SIRT5: variants seen among roughly 807,000 people sequenced by gnomAD.
The protein encoded by SIRT5 is NAD-dependent protein deacylase sirtuin-5, mitochondrial.
In SIRT5, 26 loss-of-function variants were observed where a neutral mutation model predicts 40.0. The observed-to-expected ratio is 0.65, with a 90% CI of 0.48 to 0.90. The LOEUF is 0.90. SIRT5 is among the 40% of genes least tolerant of loss of function. The pLI is 0.00. For synonymous variants in SIRT5, 146 were observed against 149.1 expected, an observed-to-expected ratio of 0.98 and a Z score of 0.15; for missense variants, 401 against 402.4, an observed-to-expected ratio of 1.00 and a Z score of 0.03.
rs1177834847 is a variant in SIRT5, at chr6:13,592,050, C to T, written c.475+156C>T. ...TTTCCTTTGGGGACATGTTAGTGTCCCGTGGCACCTGGGCAGCTGCCTTTG... is the reference window on the plus strand; with the variant it reads ...TTTCCTTTGGGGACATGTTAGTGTCTCGTGGCACCTGGGCAGCTGCCTTTG... On this transcript the variant is annotated intron_variant, in intron 5 of 9. Coordinates refer to ENST00000606117, the MANE Select transcript of SIRT5 (RefSeq NM_012241.5). 2.6e-5 allele frequency among the ~76,000 whole-genome samples: 4 copies of T among 152,122 alleles called. No homozygotes were observed. In the South Asian group the frequency reaches 6.2e-4, roughly 24 times the overall value.
chr6:13,603,180 G>A (rs1219561942), intron 9 of SIRT5, among the ~76,000 whole-genome samples: 2 of 151,794 alleles, frequency 1.3e-5, no homozygotes, highest in Non-Finnish European at 2.9e-5. Context: ...GGGAGGCTGA[G>A]GCTGGAGAAT....
rs202097719 is a variant in SIRT5 at position 13,600,961 on chromosome 6, C to T, written c.857+12C>T. 20 of 1,594,684 alleles carry T rather than the reference C, an allele frequency of 1.3e-5. No individual in the cohort carries two copies. The African/African-American group carries it at 2.4e-4, about 19-fold the overall frequency. Reference sequence around the variant, plus strand: ...ACGAACAGATTCAGGTACTGGGATACCCTGATGGGAGAGGGAGATGTGGGA... The same window carrying T: ...ACGAACAGATTCAGGTACTGGGATATCCTGATGGGAGAGGGAGATGTGGGA... On this transcript the variant is annotated intron_variant, in intron 9 of 9. Coordinates refer to ENST00000606117, the MANE Select transcript of SIRT5 (RefSeq NM_012241.5).
Position 13,613,999 on chromosome 6 carries a change from A to G in SIRT5, c.*2134A>G, listed in dbSNP as rs575260728. ...GCTTTTTTTGTTGTTGTTGTTTTCA[A>G]GTTTTATCATTTTTGTTCCTATTTG... On this transcript the variant is annotated 3_prime_UTR_variant, in exon 10 of 10. Transcript: ENST00000606117. 1.3e-5 allele frequency: 2 copies of G among 152,250 alleles called. No individual in the cohort carries two copies. The highest frequency in any genetic ancestry group is 2.1e-4 in the South Asian group (1 of 4,826). 9.4% of individuals were successfully genotyped at this position (152,250 alleles called of 1,614,324 possible). A position where few individuals can be genotyped will look rare whatever the true frequency, so the allele number is the denominator to read the frequency against.
chr6:13,585,463 A>G (rs777770601), intron 3 of SIRT5, among the ~76,000 whole-genome samples: 3 of 150,742 alleles, frequency 2.0e-5, no homozygotes, highest in Non-Finnish European at 3.0e-5. Context: ...TCATTGTTCA[A>G]CTCCCACTTA....
chr6:13,599,815 C>T (rs1005453084), intron 8 of SIRT5, among the ~76,000 whole-genome samples: 15 of 152,290 alleles, frequency 9.8e-5, no homozygotes, highest in Middle Eastern at 3.4e-3. Context: ...AGTTTGCCCA[C>T]CTCTGGTCTA....
chr6:13,574,370 A>G (rs1231541307), upstream of SIRT5, among the ~76,000 whole-genome samples: 1 of 151,874 alleles, frequency 6.6e-6, no homozygotes, highest in Middle Eastern at 3.4e-3. Context: ...TCCGGCTTCG[A>G]GGTCCCGACC....
chr6:13,595,933 A>G (rs113620529), intron 6 of SIRT5, among the ~76,000 whole-genome samples: 3 of 152,210 alleles, frequency 2.0e-5, no homozygotes, highest in Admixed American at 6.5e-5. Flanking sequence ...TCAAGGCTGC[A>G]GTGAGCTGAG....
intron 9 of SIRT5, among the ~76,000 whole-genome samples, chr6:13,609,496 C>T (rs1763560048): frequency 6.6e-6 from 1 of 152,132 alleles, no homozygotes; most frequent in Non-Finnish European, 1.5e-5. Flanking sequence ...AGGCCAGGGT[C>T]CCACTTCCCC....
chr6:13,591,569 G>C, intron 4 of SIRT5, 100 bp from the exon 5 acceptor site: 1 of 996,876 alleles, frequency 1.0e-6, no homozygotes, highest in South Asian at 1.8e-5. Context: ...CCTTCCCGAC[G>C]CTGCCTGTCT....
Position 13,587,603 on chromosome 6 carries a change from A to C in SIRT5, c.116-728A>C, listed in dbSNP as rs141528407. On this transcript the variant is annotated intron_variant, in intron 3 of 9. Coordinates refer to ENST00000606117, the MANE Select transcript of SIRT5 (RefSeq NM_012241.5). Reference sequence around the variant, plus strand: ...CTGCTGTCCCTGTGGGTCTGTGTTCAGGCAGGAGAACTGCCTGGAGTTGCA... The same window carrying C: ...CTGCTGTCCCTGTGGGTCTGTGTTCCGGCAGGAGAACTGCCTGGAGTTGCA... 4.6e-5 allele frequency among the ~76,000 whole-genome samples: 7 copies of C among 152,316 alleles called. No homozygotes were observed. The East Asian group carries it at 1.4e-3, about 29-fold the overall frequency.
rs944508710 is a variant in SIRT5, at chr6:13,574,666, G to C, written c.-273G>C. On this transcript the variant is annotated 5_prime_UTR_variant, in exon 1 of 10. Coordinates refer to ENST00000606117, the MANE Select transcript of SIRT5 (RefSeq NM_012241.5). The stretch of plus-strand genomic sequence containing the variant: ...GTCCGGAGCGCGGTCGGGACACAGC[G>C]CCTCTAGGAGAAAGCCTGGAAGGCG... 6.6e-6 allele frequency: 1 copy of C among 152,292 alleles called. No individual in the cohort carries two copies. The highest frequency in any genetic ancestry group is 1.5e-5 in the Non-Finnish European group (1 of 68,122). The allele number at this position is 152,292 out of a possible 1,614,324, so 9.4% of individuals were successfully genotyped here.
chr6:13,603,573 A>G (rs1329562914), intron 9 of SIRT5, among the ~76,000 whole-genome samples: 1 of 152,218 alleles, frequency 6.6e-6, no homozygotes, highest in African/African-American at 2.4e-5. Flanking sequence ...GAAAATCACA[A>G]GTGTTGGTGA....
At chr6:13,608,215 CT>C (rs1763373899) in intron 9 of SIRT5, among the ~76,000 whole-genome samples, 1 of 152,126 alleles carries the variant, frequency 6.6e-6, no homozygotes, top group South Asian at 2.1e-4. Context: ...TGCATTTTTT[CT>C]TTTCTCTTTG....
At chr6:13,583,439 C>G (rs1464381385) in intron 2 of SIRT5, among the ~76,000 whole-genome samples, 2 of 151,756 alleles carry the variant, frequency 1.3e-5, no homozygotes, top group African/African-American at 4.8e-5. Context: ...GGATTACAGG[C>G]ATGCACCACC....
chr6:13,607,962 A>G lies in SIRT5; in HGVS notation c.858-3828A>G, dbSNP rs1763341162. The stretch of plus-strand genomic sequence containing the variant: ...TTTAGTAGAGACGGGTTTTCACCAC[A>G]TTGCCCAGGCTGGTCTCAAACTACT... On this transcript the variant is annotated intron_variant, in intron 9 of 9. Coordinates refer to ENST00000606117, the MANE Select transcript of SIRT5 (RefSeq NM_012241.5). This position sits in a 1 kb window ranked among gnomAD's most constrained non-coding sequence, Gnocchi z 4.0. Among the ~76,000 whole-genome samples the G allele has an allele frequency of 6.6e-6, 1 of 151,822 alleles. No individual in the cohort carries two copies. Among genetic ancestry groups the G allele is most frequent in the African/African-American group, 2.4e-5 (1 of 41,296 alleles).
Position 13,611,841 on chromosome 6 carries a change from T to C in SIRT5, c.909T>C (p.Cys303=). Residue 303 remains cysteine (C), a synonymous_variant, in exon 10 of 10, where the codon TGT becomes TGC. Coordinates refer to ENST00000606117, the MANE Select transcript of SIRT5 (RefSeq NM_012241.5). ...CGTTLPEALA[C]HENETVS ...CGACTCTTCCTGAAGCCCTTGCCTG[T>C]CATGAAAATGAAACTGTTTCTTAAG... 1 of 1,614,028 alleles carries C rather than the reference T, an allele frequency of 6.2e-7. No individual in the cohort carries two copies. The highest frequency in any genetic ancestry group is 1.1e-5 in the South Asian group (1 of 91,082).
rs1562270329 is a variant in SIRT5, at chr6:13,591,828, G to A, written c.409G>A (p.Val137Ile). ...GGGCAAGCAGGGCCGGCGAGTCGTG[G>A]TCATCACCCAGAACATCGATGAGCT... is the stretch of plus-strand genomic sequence containing the variant. ...RLGKQGRRVV[V>I]ITQNIDELHR... The change falls in exon 5 of 10, where the codon GTC becomes ATC. Residue 137 changes from valine (V) to isoleucine (I), a missense_variant. Physicochemically the swap from Val to Ile is conservative, Grantham distance 29 (BLOSUM62 3). Transcript: ENST00000606117. 6.2e-7 allele frequency: 1 copy of A among 1,614,144 alleles called. No homozygotes were observed. The highest frequency in any genetic ancestry group is 2.2e-5 in the East Asian group (1 of 44,882).
chr6:13,605,619 T>C, intron 9 of SIRT5: 1 of 985,476 alleles, frequency 1.0e-6, no homozygotes, highest in African/African-American at 1.7e-5. Flanking sequence ...ATTTCTATTT[T>C]CAAGGTGTTA....
chr6:13,592,241 T>C (rs1456522103), intron 5 of SIRT5, among the ~76,000 whole-genome samples: 1 of 152,130 alleles, frequency 6.6e-6, no homozygotes. Context: ...AATCTGCATT[T>C]TCCCATGAGC....
Sources: gnomAD v4.1 joint callset for allele counts (sites outside exome capture counted in the v4.1 genomes callset) on GRCh38, gnomAD v4.1.1 for gene constraint, Gnocchi (gnomAD v3.1) non-coding constraint, MANE v1.5 for transcripts, NCBI Gene and HGNC (gene_info 2026-07-23, HGNC 2026-07-21) for gene names.